ANK2: variants seen among roughly 807,000 people sequenced by gnomAD.
The protein encoded by ANK2 is ankyrin-2.
In ANK2, 83 loss-of-function variants were observed where a neutral mutation model predicts 360.5. That is an observed-to-expected ratio of 0.23 (90% CI 0.19 to 0.28). The LOEUF is 0.28. Ranked by LOEUF, ANK2 falls within the 10% of genes least tolerant of loss-of-function variation. ANK2 has a pLI of 1.00. For missense variants in ANK2, 4,201 were observed against 4,795.7 expected, an observed-to-expected ratio of 0.88 and a Z score of 3.66; for synonymous variants, 1,740 against 1,759.5, an observed-to-expected ratio of 0.99 and a Z score of 0.28.
chr4:113,349,469 G>A (rs553314362), intron 36 of ANK2, among the ~76,000 whole-genome samples: 39 of 152,138 alleles, frequency 2.6e-4, no homozygotes, highest in African/African-American at 8.9e-4. Context: ...AAGATGCCCC[G>A]GATTCGTTTT....
chr4:113,368,880 A>G (rs2096630880), intron 42 of ANK2, among the ~76,000 whole-genome samples: 2 of 152,224 alleles, frequency 1.3e-5, no homozygotes, highest in African/African-American at 4.8e-5. Context: ...TTTAATATCT[A>G]TGGAGTGATA....
At chr4:113,257,919 A>G (rs2050394467) in intron 11 of ANK2, 131 bp from the exon 12 acceptor site, 17 of 933,968 alleles carry the variant, frequency 1.8e-5, no homozygotes, top group Non-Finnish European at 2.7e-5. Flanking sequence ...CCAAATTCCA[A>G]CACCTGCAGG....
chr4:113,052,104 T>C (rs536101291), intron 1 of ANK2, among the ~76,000 whole-genome samples: 2 of 152,348 alleles, frequency 1.3e-5, no homozygotes, highest in South Asian at 2.1e-4. Context: ...TTTACATAAA[T>C]GTACCTTAGG....
intron 2 of ANK2, among the ~76,000 whole-genome samples, chr4:112,930,836 C>T (rs148686827): frequency 0.011 from 1,615 of 147,104 alleles, 34 homozygotes; most frequent in African/African-American, 0.038. Context: ...TGCAGTGAGC[C>T]GAGACCATGC....
intron 1 of ANK2, among the ~76,000 whole-genome samples, chr4:113,163,590 C>A (rs777261856): frequency 1.3e-5 from 2 of 151,108 alleles, no homozygotes; most frequent in African/African-American, 2.4e-5. Context: ...CATGGAGAAA[C>A]CCCATCTCTA....
chr4:113,227,905 C>A (rs1486222557), intron 4 of ANK2, among the ~76,000 whole-genome samples: 2 of 152,214 alleles, frequency 1.3e-5, no homozygotes, highest in Non-Finnish European at 2.9e-5. Flanking sequence ...CTATGATAAA[C>A]TTGAGCTGTC....
At chr4:113,296,394 G>GTTGCATTACACCTGCACAACTGACATAC in intron 22 of ANK2, among the ~76,000 whole-genome samples, 1 of 152,154 alleles carries the variant, frequency 6.6e-6, no homozygotes, top group Non-Finnish European at 1.5e-5. Flanking sequence ...AAATGCAACA[G>GTTGCATTACACCTGCACAACTGACATAC]TTGCATTACA....
At position 113,177,450 on chromosome 4, in the gene ANK2, A is replaced by G. The variant is rs184992781; in HGVS notation, c.186+2933A>G. Among the ~76,000 whole-genome samples the G allele has an allele frequency of 8.9e-4, 135 of 152,326 alleles. No individual in the cohort carries two copies. In the South Asian group the frequency reaches 0.011, roughly 12 times the overall value. ...AATTTGTTAACTTTCTAAATTTACA[A>G]TATGCTAGAGAATAGACAATGAAAC... On this transcript the variant is annotated intron_variant, in intron 2 of 45. Transcript: ENST00000357077.
chr4:112,817,998 G>A (rs1322587742), upstream of ANK2: 1 of 152,402 alleles, frequency 6.6e-6, no homozygotes, highest in African/African-American at 2.4e-5. Context: ...CAACCCAAGA[G>A]TGTGGAAGAG....
intron 2 of ANK2, among the ~76,000 whole-genome samples, chr4:113,030,549 A>C (rs1485174024): frequency 6.6e-6 from 1 of 152,126 alleles, no homozygotes; most frequent in African/African-American, 2.4e-5. Context: ...GAAAAGTGTG[A>C]TACCTTTTGT....
At chr4:112,813,157 GA>G (rs1396893909), upstream of ANK2, among the ~76,000 whole-genome samples, 1 of 150,472 alleles carries the variant, frequency 6.6e-6, no homozygotes, top group African/African-American at 2.4e-5. Context: ...AGAATCGCTT[GA>G]ACCCGGGAGG....
the ANK2 span, among the ~76,000 whole-genome samples, chr4:112,732,528 T>C: frequency 6.6e-6 from 1 of 152,200 alleles, no homozygotes; most frequent in Non-Finnish European, 1.5e-5. Flanking sequence ...ATCACAGGCC[T>C]GTGCCCAGCC....
the ANK2 span, among the ~76,000 whole-genome samples, chr4:112,710,534 A>G: frequency 6.6e-6 from 1 of 152,032 alleles, no homozygotes; most frequent in Non-Finnish European, 1.5e-5. Flanking sequence ...CATCTCTACT[A>G]TGAATACAAA....
chr4:113,147,930 A>G (rs2096896201), intron 1 of ANK2, among the ~76,000 whole-genome samples: 1 of 152,252 alleles, frequency 6.6e-6, no homozygotes, highest in Non-Finnish European at 1.5e-5. Flanking sequence ...TAAATTTTTA[A>G]TCACAGAGGG....
At chr4:112,707,299 GTTTGAAT>G in the ANK2 span, among the ~76,000 whole-genome samples, 1 of 152,140 alleles carries the variant, frequency 6.6e-6, no homozygotes, top group Non-Finnish European at 1.5e-5. Context: ...TCTTTGCCAC[GTTTGAAT>G]TTTAATATGT....
chr4:112,820,627 G>C (rs779279736), intron 1 of ANK2, among the ~76,000 whole-genome samples: 12 of 152,296 alleles, frequency 7.9e-5, no homozygotes, highest in Admixed American at 5.2e-4. Flanking sequence ...TTAGAGACAG[G>C]TTCTTGCTAT....
chr4:113,092,647 T>C (rs547676387), intron 1 of ANK2, among the ~76,000 whole-genome samples: 92 of 152,352 alleles, frequency 6.0e-4, no homozygotes, highest in Middle Eastern at 6.8e-3. Context: ...TACATGTTGA[T>C]TTAGAGCAAC....
At chr4:112,890,342 A>T (rs2079583277) in intron 1 of ANK2, among the ~76,000 whole-genome samples, 2 of 152,166 alleles carry the variant, frequency 1.3e-5, no homozygotes, top group South Asian at 4.1e-4. Flanking sequence ...CAGATTCTAG[A>T]ATAAAATTAA....
At chr4:112,896,809 C>T (rs2081897060) in intron 1 of ANK2, among the ~76,000 whole-genome samples, 1 of 152,120 alleles carries the variant, frequency 6.6e-6, no homozygotes, top group Non-Finnish European at 1.5e-5. Context: ...GCCTTGGAAC[C>T]ACGGCCACAG....
Sources: gnomAD v4.1 joint callset for allele counts (sites outside exome capture counted in the v4.1 genomes callset) on GRCh38, gnomAD v4.1.1 for gene constraint, MANE v1.5 for transcripts, NCBI Gene and HGNC (gene_info 2026-07-23, HGNC 2026-07-21) for gene names.